IST1: variants seen among roughly 807,000 people sequenced by gnomAD.
IST1 encodes the protein IST1 factor associated with ESCRT-III, also known as IST1 homolog.
A neutral mutation model predicts 37.0 loss-of-function variants in IST1; 23 were observed. That is an observed-to-expected ratio of 0.62 (90% CI 0.45 to 0.88). The LOEUF (loss-of-function observed/expected upper bound fraction) is 0.88. Ranked by LOEUF, IST1 falls within the 40% of genes least tolerant of loss-of-function variation. The pLI is 0.00. For missense variants in IST1, 488 were observed against 445.4 expected, an observed-to-expected ratio of 1.10 and a Z score of -0.86; for synonymous variants, 180 against 161.7, an observed-to-expected ratio of 1.11 and a Z score of -0.86.
At chr16:71,905,182 C>G (rs540181705) in intron 1 of IST1, among the ~76,000 whole-genome samples, 1 of 151,776 alleles carries the variant, frequency 6.6e-6, no homozygotes, top group Admixed American at 6.6e-5. Context: ...ACTGCAGGTG[C>G]GTGCCATCAC....
chr16:71,920,439 C>G (rs1025826267), intron 4 of IST1, among the ~76,000 whole-genome samples: 27 of 152,190 alleles, frequency 1.8e-4, no homozygotes, highest in African/African-American at 6.3e-4. Flanking sequence ...GAAGAGGAAA[C>G]TTTACTTTGT....
At chr16:71,894,587 G>A (rs1052862988), upstream of IST1, 3 of 433,610 alleles carry the variant, frequency 6.9e-6, no homozygotes, top group Admixed American at 7.8e-5. Flanking sequence ...GTGCTGTGAC[G>A]TGATCACGGT....
chr16:71,895,738 G>A, intron 1 of IST1, 149 bp downstream of exon 1: 1 of 201,232 alleles, frequency 5.0e-6, no homozygotes, highest in Non-Finnish European at 8.9e-6. Context: ...AGTGGAAGTG[G>A]GGGTCAGACC....
At chr16:71,895,472 A>G, upstream of IST1, 1 of 976,188 alleles carries the variant, frequency 1.0e-6, no homozygotes, top group Non-Finnish European at 1.2e-6. Context: ...GGGCGTGGCT[A>G]TATCGGCCCC....
intron 1 of IST1, among the ~76,000 whole-genome samples, chr16:71,898,675 AAAAC>A (rs1342896641): frequency 2.7e-5 from 4 of 150,592 alleles, no homozygotes; most frequent in African/African-American, 9.8e-5. Context: ...AAAAAAAAAA[AAAAC>A]AAAAAAGGAA....
chr16:71,909,842 G>A (rs2037312533), intron 1 of IST1, among the ~76,000 whole-genome samples: 1 of 152,146 alleles, frequency 6.6e-6, no homozygotes, highest in Non-Finnish European at 1.5e-5. Flanking sequence ...TCTACTAAGG[G>A]CAAGATCTTT....
intron 1 of IST1, among the ~76,000 whole-genome samples, chr16:71,907,176 ATTTT>A (rs2037241944): frequency 8.4e-6 from 1 of 118,714 alleles, no homozygotes; most frequent in African/African-American, 3.3e-5. Context: ...TTCAGGCAGT[ATTTT>A]TTCTTTCTTT....
chr16:71,923,236 G>A (rs532124337), intron 7 of IST1, 52 bp from the exon 8 acceptor site: 12 of 1,042,738 alleles, frequency 1.2e-5, no homozygotes, highest in African/African-American at 1.6e-5. Context: ...CCAAACCTTC[G>A]AGATTGCAAA....
intron 1 of IST1, among the ~76,000 whole-genome samples, chr16:71,903,998 G>C (rs926813365): frequency 2.0e-5 from 3 of 152,122 alleles, no homozygotes; most frequent in African/African-American, 7.2e-5. Context: ...TAGGATTGTT[G>C]TATCTTCCTG....
At chr16:71,924,174 G>T (rs577385051) in intron 8 of IST1, 14 of 455,914 alleles carry the variant, frequency 3.1e-5, no homozygotes, top group Admixed American at 2.8e-4. Flanking sequence ...TGGTAGGAAT[G>T]AGGTCGAAAA....
chr16:71,898,152 A>G (rs530409572), intron 1 of IST1, among the ~76,000 whole-genome samples: 2 of 152,030 alleles, frequency 1.3e-5, no homozygotes, highest in African/African-American at 2.4e-5. Flanking sequence ...AGGCAGGCAG[A>G]TCACTTGAGG....
At position 71,916,556 on chromosome 16, in the gene IST1, G is replaced by C; in HGVS notation, c.183G>C (p.Arg61=). The C allele has an allele frequency of 6.2e-7, 1 of 1,613,990 alleles. No homozygotes were observed. Among genetic ancestry groups the C allele is most frequent in the African/African-American group, 1.3e-5 (1 of 75,054 alleles). Residue 61 remains arginine, a synonymous_variant, in exon 3 of 10, where the codon CGG becomes CGC. Transcript: ENST00000378799. ...RARIRVEHII[R]EDYLVEAMEI... The stretch of plus-strand genomic sequence containing the variant: ...GGATCCGTGTGGAGCACATTATCCG[G>C]GAAGACTACCTCGTGGAGGCCATGG...
chr16:71,922,605 G>T lies in IST1; in HGVS notation c.684G>T (p.Val228=), dbSNP rs746789727. ...TAPVGGPDGT[V]PMPMPMPMPM... ...CAGTTGGTGGACCTGATGGAACGGTGCCAATGCCCATGCCCATGCCCATGC... is the reference window on the plus strand; with the variant it reads ...CAGTTGGTGGACCTGATGGAACGGTTCCAATGCCCATGCCCATGCCCATGC... The change falls in exon 7 of 10, where the codon GTG becomes GTT. Residue 228 remains valine, a synonymous_variant. Transcript: ENST00000378799. The T allele has an allele frequency of 1.4e-5, 23 of 1,595,004 alleles. No homozygotes were observed. The African/African-American group carries it at 2.1e-4, about 15-fold the overall frequency.
intron 8 of IST1, chr16:71,924,186 C>G (rs919186420): frequency 7.5e-5 from 34 of 455,996 alleles, no homozygotes; most frequent in Middle Eastern, 3.3e-4. Flanking sequence ...GGTCGAAAAT[C>G]TTCATCAGTA....
intron 2 of IST1, among the ~76,000 whole-genome samples, chr16:71,916,068 G>A (rs1344295571): frequency 1.3e-5 from 2 of 152,166 alleles, no homozygotes; most frequent in African/African-American, 4.8e-5. Flanking sequence ...TGACCTCAAA[G>A]TCATCTGCCT....
chr16:71,923,194 A>G, intron 7 of IST1, 94 bp from the exon 8 acceptor site: 1 of 637,540 alleles, frequency 1.6e-6, no homozygotes, highest in East Asian at 2.8e-5. Flanking sequence ...TAGTATGAGA[A>G]TATAAATGTA....
chr16:71,921,177 G>A (rs998395731), intron 5 of IST1, 166 bp from the exon 6 acceptor site: 22 of 608,162 alleles, frequency 3.6e-5, no homozygotes, highest in African/African-American at 3.5e-4. Context: ...AGAGACTTGG[G>A]TCCTCTGATG....
At chr16:71,894,974 C>A, upstream of IST1, 2 of 750,000 alleles carry the variant, frequency 2.7e-6, no homozygotes, top group Non-Finnish European at 4.4e-6. Flanking sequence ...CGATGCTGGT[C>A]CAAAGGGCAA....
At chr16:71,910,918 A>G (rs1238830972) in intron 1 of IST1, among the ~76,000 whole-genome samples, 2 of 152,120 alleles carry the variant, frequency 1.3e-5, no homozygotes, top group African/African-American at 4.8e-5. Flanking sequence ...TTCTCCATGC[A>G]TTTATATATG....
Sources: allele counts gnomAD v4.1 joint callset (sites outside exome capture counted in the v4.1 genomes callset), GRCh38; gene constraint gnomAD v4.1.1; transcripts MANE v1.5; gene names NCBI Gene and HGNC (gene_info 2026-07-23, HGNC 2026-07-21).